The following MED21 variants were observed in gnomAD, a reference collection of about 807,000 sequenced individuals.
MED21 encodes the protein mediator of RNA polymerase II transcription subunit 21.
MED21 carries 9 observed loss-of-function variants against 18.2 expected under a neutral mutation model. The ratio of observed to expected loss-of-function variants is 0.49; its 90% CI spans 0.30 to 0.86. The LOEUF (loss-of-function observed/expected upper bound fraction) is 0.86. MED21 is among the 40% of genes least tolerant of loss of function. MED21 has a pLI of 0.07. For missense variants in MED21, 150 were observed against 170.9 expected, an observed-to-expected ratio of 0.88 and a Z score of 0.68; for synonymous variants, 73 against 60.5, an observed-to-expected ratio of 1.21 and a Z score of -0.96.
chr12:27,022,587 A>G lies in MED21; in HGVS notation c.8A>G (p.Asp3Gly). 6.4e-7 allele frequency: 1 copy of G among 1,566,766 alleles called. No individual in the cohort carries two copies. The highest frequency in any genetic ancestry group is 8.7e-7 in the Non-Finnish European group (1 of 1,150,592). Residue 3 changes from aspartate to glycine, a missense_variant, in exon 1 of 4, where the codon GAT (aspartate) becomes GGT (glycine). Asp to Gly is a moderately conservative substitution (Grantham distance 94, BLOSUM62 -1). Transcript: ENST00000282892. MA[D>G]RLTQLQDAVN... The stretch of plus-strand genomic sequence containing the variant: ...GTTTGCTGCGGTAGGAACATGGCGG[A>G]TCGGCTCACGCAGCTTCAGGACGCT...
chr12:27,037,350 T>C (rs1204531644), intron 2 of MED21: 1 of 151,936 alleles, frequency 6.6e-6, no homozygotes, highest in Non-Finnish European at 1.5e-5. Context: ...GCTGAGACAA[T>C]GGGGTTTTCT....
intron 2 of MED21, chr12:27,037,034 A>G (rs1013487608): frequency 2.6e-5 from 4 of 152,002 alleles, no homozygotes; most frequent in African/African-American, 7.3e-5. Flanking sequence ...CTTGGGCAGT[A>G]TGGCCATTTT....
downstream of MED21, among the ~76,000 whole-genome samples, chr12:27,031,187 A>T (rs540342940): frequency 6.6e-6 from 1 of 152,320 alleles, no homozygotes; most frequent in African/African-American, 2.4e-5. Flanking sequence ...GATTACAGGC[A>T]TGAGCCACTG....
rs1169161109 is a variant in MED21 at position 27,029,188 on chromosome 12, T to C, written c.*727T>C. The C allele has an allele frequency of 1.0e-6, 1 of 985,426 alleles. No individual in the cohort carries two copies. Among genetic ancestry groups the C allele is most frequent in the Non-Finnish European group, 1.2e-6 (1 of 829,906 alleles). The allele number at this position is 985,426 out of a possible 1,614,324, so 61.0% of individuals were successfully genotyped here. A position where few individuals can be genotyped will look rare whatever the true frequency, so the allele number is the denominator to read the frequency against. ...TTGTCATCACAATGAAGTATGTTTTTTGAATCATCAATTCTTTCTCATTCT... is the reference window on the plus strand; with the variant it reads ...TTGTCATCACAATGAAGTATGTTTTCTGAATCATCAATTCTTTCTCATTCT... On this transcript the variant is annotated 3_prime_UTR_variant, in exon 4 of 4. Coordinates refer to ENST00000282892, the MANE Select transcript of MED21 (RefSeq NM_004264.5).
intron 2 of MED21, chr12:27,037,288 T>C (rs949959713): frequency 6.6e-6 from 1 of 151,894 alleles, no homozygotes; most frequent in Non-Finnish European, 1.5e-5. Flanking sequence ...GTACATTGAT[T>C]TTGTATCCTG....
At position 27,029,089 on chromosome 12, in the gene MED21, T is replaced by G. The variant is rs764961609; in HGVS notation, c.*628T>G. ...TGTCAAGAGAATTTCCTGGCTGTTG[T>G]GAAAGAATTTTTCTACATCCTGAAC... On this transcript the variant is annotated 3_prime_UTR_variant, in exon 4 of 4. Transcript: ENST00000282892. 1 of 985,440 alleles carries G rather than the reference T, an allele frequency of 1.0e-6. No individual in the cohort carries two copies. Among genetic ancestry groups the G allele is most frequent in the Non-Finnish European group, 1.2e-6 (1 of 829,924 alleles). 61.0% of individuals were successfully genotyped at this position (985,440 alleles called of 1,614,324 possible).
At chr12:27,027,216 C>T (rs1185479587) in intron 2 of MED21, 131 bp from the exon 3 acceptor site, 1 of 555,094 alleles carries the variant, frequency 1.8e-6, no homozygotes, top group East Asian at 3.5e-5. Flanking sequence ...CGTGAGCCAC[C>T]ACGCCTGGCC....
downstream of MED21, among the ~76,000 whole-genome samples, chr12:27,030,915 A>G (rs910371979): frequency 6.6e-6 from 1 of 152,070 alleles, no homozygotes; most frequent in Non-Finnish European, 1.5e-5. Context: ...TTAAGGAGCC[A>G]ATTTCTTTTT....
At chr12:27,038,759 A>C (rs1270339888) in intron 2 of MED21, 1 of 152,196 alleles carries the variant, frequency 6.6e-6, no homozygotes, top group Non-Finnish European at 1.5e-5. Flanking sequence ...ATTGGTTTCT[A>C]TATGTATTTC....
chr12:27,025,821 C>T (rs1447874203), intron 1 of MED21, among the ~76,000 whole-genome samples: 1 of 152,192 alleles, frequency 6.6e-6, no homozygotes, highest in East Asian at 1.9e-4. Context: ...TAAGGAATTG[C>T]TATTCCCAAT....
chr12:27,028,183 A>G (rs1941569524), intron 3 of MED21, 102 bp from the exon 4 acceptor site: 1 of 1,363,932 alleles, frequency 7.3e-7, no homozygotes, highest in African/African-American at 1.4e-5. Context: ...ACTGAAAAAC[A>G]TATCACAATG....
chr12:27,026,569 T>C, intron 2 of MED21, 35 bp downstream of exon 2: 3 of 1,347,550 alleles, frequency 2.2e-6, no homozygotes, highest in Non-Finnish European at 3.2e-6. Flanking sequence ...TTAGTTTGAC[T>C]CTCACATTTT....
At chr12:27,024,930 C>G (rs1941524026) in intron 1 of MED21, among the ~76,000 whole-genome samples, 1 of 152,204 alleles carries the variant, frequency 6.6e-6, no homozygotes, top group African/African-American at 2.4e-5. Context: ...TAGCATTTAT[C>G]CTAATCAGAA....
downstream of MED21, among the ~76,000 whole-genome samples, chr12:27,033,842 A>C (rs1052535547): frequency 2.0e-5 from 3 of 152,262 alleles, no homozygotes; most frequent in Admixed American, 2.0e-4. Context: ...TATTCGGCCA[A>C]GACAGCATGT....
At chr12:27,023,190 C>CTCTT (rs1318018970) in intron 1 of MED21, among the ~76,000 whole-genome samples, 1 of 151,832 alleles carries the variant, frequency 6.6e-6, no homozygotes, top group Non-Finnish European at 1.5e-5. Flanking sequence ...ATCCTTCCAT[C>CTCTT]TCTTGCCTCT....
chr12:27,028,345 G>A lies in MED21; in HGVS notation c.319G>A (p.Val107Ile), dbSNP rs1941572280. ...NHEAATCLED[V>I]VYRGDMLLEK... ...TGAAGCTGCTACATGTCTGGAGGATGTTGTTTATCGAGGAGACATGCTTCT... is the reference window on the plus strand; with the variant it reads ...TGAAGCTGCTACATGTCTGGAGGATATTGTTTATCGAGGAGACATGCTTCT... The change falls in exon 4 of 4, where the codon GTT becomes ATT. Residue 107 changes from valine to isoleucine, a missense_variant. Transcript: ENST00000282892. 1 of 1,614,146 alleles carries A rather than the reference G, an allele frequency of 6.2e-7. No individual in the cohort carries two copies. The highest frequency in any genetic ancestry group is 8.5e-7 in the Non-Finnish European group (1 of 1,179,998).
downstream of MED21, among the ~76,000 whole-genome samples, chr12:27,034,541 G>A (rs1267488051): frequency 1.3e-5 from 2 of 152,128 alleles, no homozygotes; most frequent in African/African-American, 4.8e-5. Flanking sequence ...TGACCTCCTG[G>A]GCTCAAGCTA....
At chr12:27,034,529 G>C (rs73091136), downstream of MED21, among the ~76,000 whole-genome samples, 51,390 of 152,132 alleles carry the variant, frequency 0.34, 10,134 homozygotes, top group Non-Finnish European at 0.47. Context: ...TCATTGCAGT[G>C]TTGACCTCCT....
At chr12:27,034,999 C>T (rs942047010), downstream of MED21, among the ~76,000 whole-genome samples, 3 of 152,062 alleles carry the variant, frequency 2.0e-5, no homozygotes, top group African/African-American at 7.2e-5. Context: ...GCTCCGCCTG[C>T]CCCTGGCCTC....
Sources: gnomAD v4.1 joint callset for allele counts (sites outside exome capture counted in the v4.1 genomes callset) on GRCh38, gnomAD v4.1.1 for gene constraint, MANE v1.5 for transcripts, NCBI Gene and HGNC (gene_info 2026-07-23, HGNC 2026-07-21) for gene names.